GRAMD4: variants seen among roughly 807,000 people sequenced by gnomAD.
GRAMD4 encodes GRAM domain-containing protein 4.
Under a neutral mutation model 83.9 loss-of-function variants are expected in GRAMD4, and 25 were observed. That is an observed-to-expected ratio of 0.30 (90% confidence interval 0.22 to 0.42). The LOEUF (loss-of-function observed/expected upper bound fraction) is 0.42, where lower values mean the gene tolerates loss of function less well. GRAMD4 is among the 10% of genes least tolerant of loss of function. The probability of loss-of-function intolerance (pLI) is 1.00; values close to 1 mark genes in which losing one functional copy is unlikely to be tolerated. For synonymous variants in GRAMD4, 336 were observed against 320.9 expected, an observed-to-expected ratio of 1.05 and a Z score of -0.50; for missense variants, 593 against 788.7, an observed-to-expected ratio of 0.75 and a Z score of 2.97.
chr22:46,663,246 G>C, intron 6 of GRAMD4, 74 bp downstream of exon 6: 1 of 1,429,910 alleles, frequency 7.0e-7, no homozygotes, highest in South Asian at 1.2e-5. Context: ...CAGCGGGTGG[G>C]CCATCCTTTA....
chr22:46,680,775 C>T (rs1213695392), downstream of GRAMD4, among the ~76,000 whole-genome samples: 55 of 140,258 alleles, frequency 3.9e-4, 1 homozygote, highest in African/African-American at 1.5e-3. Flanking sequence ...TCCATCCATC[C>T]ATCCACCCAC....
intron 3 of GRAMD4, among the ~76,000 whole-genome samples, chr22:46,639,653 C>T (rs151168287): frequency 6.7e-6 from 1 of 149,682 alleles, no homozygotes; most frequent in Admixed American, 6.6e-5. Flanking sequence ...TGTGCATGCC[C>T]GTGTGCAGCA....
chr22:46,668,932 G>C, intron 13 of GRAMD4, 24 bp downstream of exon 13: 1 of 1,350,866 alleles, frequency 7.4e-7, no homozygotes, highest in Non-Finnish European at 1.1e-6. Context: ...CCTGCGGCCT[G>C]TAGCTTCAGG....
At chr22:46,626,566 G>A (rs939354437) in intron 1 of GRAMD4, among the ~76,000 whole-genome samples, 185 bp from the exon 2 acceptor site, 2 of 146,304 alleles carry the variant, frequency 1.4e-5, no homozygotes, top group Admixed American at 6.7e-5. Context: ...TGGACCGGCC[G>A]TGCCCTGCGT....
chr22:46,661,398 C>T lies in GRAMD4; in HGVS notation c.422C>T (p.Ala141Val). 1 of 1,612,390 alleles carries T rather than the reference C, an allele frequency of 6.2e-7. No individual in the cohort carries two copies. Among genetic ancestry groups the T allele is most frequent in the South Asian group, 1.1e-5 (1 of 91,080 alleles). ...TTTTTAAGAACCGAGGAGCAGATGG[C>T]TCAGCAGCCCCCAAAAGGGCAGGCC... ...VLKARTEEQM[A>V]QQPPKGQAQA... The change falls in exon 5 of 19, where the codon GCT (alanine) becomes GTT (valine). Residue 141 changes from alanine (A) to valine (V), a missense_variant. Ala to Val is a moderately conservative substitution (Grantham distance 64). Transcript: ENST00000406902.
rs892569247 is a variant in GRAMD4 at position 46,678,898 on chromosome 22, C to G, written c.*1647C>G. 5 of 985,894 alleles carry G rather than the reference C, an allele frequency of 5.1e-6. No homozygotes were observed. The highest frequency in any genetic ancestry group is 9.4e-5 in the South Asian group (2 of 21,298). 61.1% of individuals were successfully genotyped at this position (985,894 alleles called of 1,614,324 possible). A position where few individuals can be genotyped will look rare whatever the true frequency, so the allele number is the denominator to read the frequency against. On this transcript the variant is annotated 3_prime_UTR_variant, in exon 19 of 19. Transcript: ENST00000406902. ...ATCCCAGGCGGTGGAGCGGAGCCCCCGTGGCTCTGGACTGCGCGGACGTTG... is the reference window on the plus strand; with the variant it reads ...ATCCCAGGCGGTGGAGCGGAGCCCCGGTGGCTCTGGACTGCGCGGACGTTG...
At chr22:46,600,496 C>T (rs1602317278) in intron 1 of GRAMD4, among the ~76,000 whole-genome samples, 1 of 152,202 alleles carries the variant, frequency 6.6e-6, no homozygotes, top group African/African-American at 2.4e-5. Flanking sequence ...TGATTGGCAG[C>T]CCCTCACCAT....
chr22:46,655,016 G>T (rs192578873), intron 3 of GRAMD4, among the ~76,000 whole-genome samples: 87 of 152,314 alleles, frequency 5.7e-4, no homozygotes, highest in African/African-American at 1.9e-3. Flanking sequence ...TACGCCAGAT[G>T]GGGGGGCTGT....
Position 46,677,071 on chromosome 22 carries a change from T to C in GRAMD4, c.1633-76T>C. 1.2e-5 allele frequency: 19 copies of C among 1,572,002 alleles called. No homozygotes were observed. The South Asian group carries it at 2.1e-4, about 17-fold the overall frequency. On this transcript the variant is annotated intron_variant, in intron 18 of 18. Transcript: ENST00000406902. ...TAGCGTGCTGGCCTGGGGCTGGTGT[T>C]GGACTTCGTCTCGGTCCTGGTCCTG...
intron 2 of GRAMD4, 100 bp downstream of exon 2, chr22:46,627,061 T>C: frequency 1.2e-6 from 1 of 816,538 alleles, no homozygotes. Context: ...GTCCTGCCCA[T>C]GCTGGTCAGA....
chr22:46,656,426 T>A (rs1012568389), intron 3 of GRAMD4, among the ~76,000 whole-genome samples: 1 of 152,206 alleles, frequency 6.6e-6, no homozygotes, highest in African/African-American at 2.4e-5. Flanking sequence ...CCGCGGCTGC[T>A]CCCTGCCTGG....
chr22:46,591,172 G>A (rs2081203711), intron 1 of GRAMD4, among the ~76,000 whole-genome samples: 1 of 152,240 alleles, frequency 6.6e-6, no homozygotes, highest in African/African-American at 2.4e-5. Flanking sequence ...GGTCCAGTGT[G>A]TGATAGTGAA....
intron 1 of GRAMD4, among the ~76,000 whole-genome samples, chr22:46,614,363 A>G (rs1261995798): frequency 6.6e-6 from 1 of 152,242 alleles, no homozygotes; most frequent in African/African-American, 2.4e-5. Flanking sequence ...TAACGTGCAG[A>G]TGAAGCTAAA....
intron 1 of GRAMD4, among the ~76,000 whole-genome samples, chr22:46,601,215 G>A (rs1003843870): frequency 6.6e-6 from 1 of 152,058 alleles, no homozygotes; most frequent in Non-Finnish European, 1.5e-5. Flanking sequence ...AGCTCTCCTC[G>A]GGGTGTGATT....
intron 1 of GRAMD4, among the ~76,000 whole-genome samples, chr22:46,611,109 G>C (rs779002254): frequency 6.6e-6 from 1 of 151,926 alleles, no homozygotes; most frequent in Non-Finnish European, 1.5e-5. Flanking sequence ...CCAGCTACTC[G>C]GAAGGCTGAG....
chr22:46,599,460 A>G lies in GRAMD4; in HGVS notation c.-50+22170A>G, dbSNP rs7291964. On this transcript the variant is annotated intron_variant, in intron 1 of 1. Coordinates refer to the GRAMD4 transcript ENST00000431155. ...CAGCCTCGCAAGTAGCTGGGATTAC[A>G]GGCTCCTGCCACCATGCCCGGCTAA... is the stretch of plus-strand genomic sequence containing the variant. 5.4e-3 allele frequency among the ~76,000 whole-genome samples: 827 copies of G among 152,074 alleles called. 12 individuals carry two copies. The highest frequency in any genetic ancestry group is 0.018 in the African/African-American group (767 of 41,478).
chr22:46,618,190 T>G (rs887754629), upstream of GRAMD4, among the ~76,000 whole-genome samples: 2 of 152,038 alleles, frequency 1.3e-5, no homozygotes, highest in African/African-American at 4.8e-5. This position sits in a 1 kb window ranked among gnomAD's most constrained non-coding sequence, Gnocchi z 5.8. Flanking sequence ...AGAGGGAGAC[T>G]CGGGTGCCTG....
chr22:46,652,808 C>T (rs1301689951), intron 3 of GRAMD4, among the ~76,000 whole-genome samples: 6 of 152,196 alleles, frequency 3.9e-5, no homozygotes, highest in Non-Finnish European at 8.8e-5. Context: ...GGCTGGAAAT[C>T]GGCCCTCCTG....
chr22:46,632,042 C>T (rs1273104028), intron 2 of GRAMD4, among the ~76,000 whole-genome samples: 1 of 152,256 alleles, frequency 6.6e-6, no homozygotes, highest in East Asian at 1.9e-4. Context: ...GCCGCTGTCA[C>T]CAAGCACCAT....
Sources: gnomAD v4.1 joint callset for allele counts (sites outside exome capture counted in the v4.1 genomes callset) on GRCh38, gnomAD v4.1.1 for gene constraint, Gnocchi (gnomAD v3.1) non-coding constraint, MANE v1.5 for transcripts, NCBI Gene and HGNC (gene_info 2026-07-23, HGNC 2026-07-21) for gene names.